The following CEP128 variants were observed in gnomAD, a reference collection of about 807,000 sequenced individuals.
CEP128 encodes the protein centrosomal protein 128kDa.
A neutral mutation model predicts 156.7 loss-of-function variants in CEP128; 132 were observed. The ratio of observed to expected loss-of-function variants is 0.84; its 90% CI spans 0.73 to 0.97. CEP128 has a LOEUF of 0.97. Among genes scored for constraint, CEP128 ranks in the 50% least tolerant of loss-of-function variants. The pLI is 0.00. For synonymous variants in CEP128, 469 were observed against 448.9 expected (o/e 1.04, Z -0.57); for missense variants, 1,252 against 1,281.9 (o/e 0.98, Z 0.36).
chr14:80,808,406 T>C (rs1884310072), intron 13 of CEP128, among the ~76,000 whole-genome samples: 1 of 152,170 alleles, frequency 6.6e-6, no homozygotes, highest in Non-Finnish European at 1.5e-5. Flanking sequence ...CTGGGCTGTG[T>C]GTGGGAACCC....
At chr14:80,715,323 T>C (rs1897565637) in intron 19 of CEP128, among the ~76,000 whole-genome samples, 1 of 152,130 alleles carries the variant, frequency 6.6e-6, no homozygotes, top group East Asian at 1.9e-4. Flanking sequence ...ACTCTGAAAA[T>C]AGACCTCAAC....
At chr14:80,896,234 G>A (rs1017252756) in intron 7 of CEP128, among the ~76,000 whole-genome samples, 1 of 152,108 alleles carries the variant, frequency 6.6e-6, no homozygotes, top group Non-Finnish European at 1.5e-5. Context: ...AAAGTGTGCT[G>A]TACAAACTCT....
chr14:80,801,282 G>A (rs1021161561), intron 13 of CEP128, among the ~76,000 whole-genome samples: 6 of 152,162 alleles, frequency 3.9e-5, no homozygotes, highest in Admixed American at 2.6e-4. Context: ...TATTGAACAG[G>A]AGTGGTGAGA....
chr14:80,800,094 G>T (rs147694960), intron 13 of CEP128, among the ~76,000 whole-genome samples: 1,824 of 152,236 alleles, frequency 0.012, 14 homozygotes, highest in Middle Eastern at 0.024. Flanking sequence ...AAACCTGCTA[G>T]TTTGAGGCTC....
chr14:80,705,038 A>C (rs1897194660), intron 19 of CEP128, among the ~76,000 whole-genome samples: 2 of 152,078 alleles, frequency 1.3e-5, no homozygotes, highest in Non-Finnish European at 2.9e-5. Context: ...ATTTCAGTAT[A>C]TATTTCTAAA....
At chr14:80,673,647 A>T (rs1160659193) in intron 19 of CEP128, among the ~76,000 whole-genome samples, 1 of 144,108 alleles carries the variant, frequency 6.9e-6, no homozygotes, top group Non-Finnish European at 1.5e-5. Context: ...CTCCGTCTCA[A>T]AAAAAAAAAA....
rs778911406 is a variant in CEP128, at chr14:80,694,917, T to TAA, written c.2806+48156_2806+48157dup. On this transcript the variant is annotated intron_variant, in intron 19 of 24. Coordinates refer to ENST00000555265, the MANE Select transcript of CEP128 (RefSeq NM_152446.5). The stretch of plus-strand genomic sequence containing the variant: ...TGTATCCCAGAACTCAAAGTAAAAT[T>TAA]AAAAAAAAAAAAAAAACTTGTTTTC... Among the ~76,000 whole-genome samples the TAA allele has an allele frequency of 8.4e-4, 110 of 131,024 alleles. 1 individual carries two copies. The highest frequency in any genetic ancestry group is 2.9e-3 in the African/African-American group (103 of 35,900). 86.0% of individuals were successfully genotyped at this position (131,024 alleles called of 152,430 possible).
chr14:80,862,330 G>C (rs1887554410), intron 9 of CEP128, among the ~76,000 whole-genome samples: 1 of 152,196 alleles, frequency 6.6e-6, no homozygotes, highest in South Asian at 2.1e-4. Context: ...CAATGGGCCA[G>C]CTTTGACCTG....
intron 18 of CEP128, among the ~76,000 whole-genome samples, chr14:80,753,466 A>T (rs192255033): frequency 6.6e-6 from 1 of 152,364 alleles, no homozygotes; most frequent in East Asian, 1.9e-4. Flanking sequence ...GTGGAAGCAC[A>T]GCTAATATTA....
At chr14:80,491,195 A>T (rs765282473) in intron 6 of CEP128, among the ~76,000 whole-genome samples, 2 of 152,174 alleles carry the variant, frequency 1.3e-5, no homozygotes, top group Non-Finnish European at 2.9e-5. Context: ...AGTCAAACTA[A>T]CCTCACAAAA....
intron 13 of CEP128, among the ~76,000 whole-genome samples, chr14:80,800,276 C>T (rs924043912): frequency 1.3e-5 from 2 of 152,140 alleles, no homozygotes; most frequent in Admixed American, 6.6e-5. Flanking sequence ...TCAATAACAC[C>T]GACTTCCAGA....
At chr14:80,539,662 G>A (rs1426084197) in intron 21 of CEP128, among the ~76,000 whole-genome samples, 1 of 152,064 alleles carries the variant, frequency 6.6e-6, no homozygotes, top group African/African-American at 2.4e-5. Context: ...AATTTTTAGG[G>A]AACAAGGGAA....
intron 15 of CEP128, among the ~76,000 whole-genome samples, chr14:80,782,848 G>T (rs1901198825): frequency 6.6e-6 from 1 of 152,022 alleles, no homozygotes; most frequent in Admixed American, 6.5e-5. Context: ...TCTTACCTGG[G>T]TTTCCAAGAC....
intron 13 of CEP128, among the ~76,000 whole-genome samples, chr14:80,815,745 C>A (rs1884814607): frequency 1.3e-5 from 2 of 152,084 alleles, no homozygotes; most frequent in Non-Finnish European, 2.9e-5. Flanking sequence ...TACTATTCAG[C>A]CATAAAAACA....
At chr14:80,775,863 C>T (rs1275571530) in intron 16 of CEP128, among the ~76,000 whole-genome samples, 2 of 152,142 alleles carry the variant, frequency 1.3e-5, no homozygotes, top group East Asian at 1.9e-4. Context: ...GATGGAGTCT[C>T]GCGCTGTCGC....
chr14:80,493,522 G>C (rs908516892), downstream of CEP128, among the ~76,000 whole-genome samples: 3 of 152,116 alleles, frequency 2.0e-5, no homozygotes, highest in African/African-American at 7.2e-5. Context: ...AATCATCACA[G>C]GGCTTTGCAC....
At chr14:80,637,916 TG>T (rs1198933339) in intron 19 of CEP128, among the ~76,000 whole-genome samples, 1 of 152,180 alleles carries the variant, frequency 6.6e-6, no homozygotes, top group Non-Finnish European at 1.5e-5. Flanking sequence ...CACCAGATGC[TG>T]GAAGAGGCAA....
intron 1 of CEP128, among the ~76,000 whole-genome samples, chr14:80,941,207 G>A (rs549118079): frequency 2.6e-5 from 4 of 152,270 alleles, no homozygotes; most frequent in Admixed American, 1.3e-4. Context: ...TTTGCTTGCA[G>A]GACAGGCAAG....
chr14:80,549,531 A>C (rs1280779493), intron 21 of CEP128, among the ~76,000 whole-genome samples: 4 of 152,234 alleles, frequency 2.6e-5, no homozygotes, highest in African/African-American at 9.6e-5. Flanking sequence ...CTTTGGTTTT[A>C]AAACAGCAAG....
Sources: allele counts gnomAD v4.1 joint callset (sites outside exome capture counted in the v4.1 genomes callset), GRCh38; gene constraint gnomAD v4.1.1; transcripts MANE v1.5; gene names NCBI Gene and HGNC (gene_info 2026-07-23, HGNC 2026-07-21).